The following SRRM4 variants were observed in gnomAD, a reference collection of about 807,000 sequenced individuals.
SRRM4 encodes the protein serine/arginine repetitive matrix protein 4.
Under a neutral mutation model 68.9 loss-of-function variants are expected in SRRM4, and 33 were observed. That is an observed-to-expected ratio of 0.48 (90% CI 0.36 to 0.64). The LOEUF (loss-of-function observed/expected upper bound fraction) is 0.64, where lower values mean the gene tolerates loss of function less well. Among genes scored for constraint, SRRM4 ranks in the 30% least tolerant of loss-of-function variants. The pLI, the probability that SRRM4 is intolerant of heterozygous loss-of-function variation, is 0.00. For missense variants in SRRM4, 817 were observed against 827.1 expected, an observed-to-expected ratio of 0.99 and a Z score of 0.15; for synonymous variants, 318 against 318.8, an observed-to-expected ratio of 1.00 and a Z score of 0.03.
intron 1 of SRRM4, among the ~76,000 whole-genome samples, chr12:119,007,165 C>T (rs748465395): frequency 1.2e-4 from 18 of 152,318 alleles, no homozygotes; most frequent in Non-Finnish European, 2.2e-4. Flanking sequence ...TCTGAAGACA[C>T]GAACCATCCA....
intron 1 of SRRM4, among the ~76,000 whole-genome samples, chr12:118,999,430 T>A (rs1303311122): frequency 6.6e-6 from 1 of 152,176 alleles, no homozygotes; most frequent in African/African-American, 2.4e-5. Context: ...TCTTATTCTG[T>A]GCATCTTTTC....
chr12:119,004,199 T>C (rs1013702343), intron 1 of SRRM4, among the ~76,000 whole-genome samples: 1 of 152,064 alleles, frequency 6.6e-6, no homozygotes, highest in African/African-American at 2.4e-5. Context: ...CACCTGGTTA[T>C]GCCCCTGGTT....
intron 1 of SRRM4, among the ~76,000 whole-genome samples, chr12:119,004,777 G>A (rs1252750287): frequency 1.3e-5 from 2 of 151,930 alleles, no homozygotes; most frequent in African/African-American, 4.8e-5. Flanking sequence ...ACTTCCTGCC[G>A]AAGACGTAGG....
intron 1 of SRRM4, among the ~76,000 whole-genome samples, chr12:119,049,624 A>G (rs1953728802): frequency 6.6e-6 from 1 of 152,212 alleles, no homozygotes; most frequent in Admixed American, 6.5e-5. Context: ...ACGGAGTCTG[A>G]TCAGTAGTGT....
chr12:119,102,062 T>G (rs1183630801), intron 1 of SRRM4, among the ~76,000 whole-genome samples, 174 bp from the exon 2 acceptor site: 2 of 152,212 alleles, frequency 1.3e-5, no homozygotes, highest in Non-Finnish European at 2.9e-5. Context: ...TGCCTTGAAC[T>G]GGAAATTACA....
chr12:119,009,023 T>A (rs1442262178), intron 1 of SRRM4, among the ~76,000 whole-genome samples: 1 of 151,402 alleles, frequency 6.6e-6, no homozygotes, highest in African/African-American at 2.4e-5. Flanking sequence ...AGGGGTGGGG[T>A]AAGACCGGTC....
chr12:119,015,202 C>T (rs1336461972), intron 1 of SRRM4, among the ~76,000 whole-genome samples: 1 of 152,116 alleles, frequency 6.6e-6, no homozygotes, highest in Non-Finnish European at 1.5e-5. Context: ...CCTCTGCCTC[C>T]CCAGCATGTA....
chr12:119,036,333 A>T (rs1953627059), intron 1 of SRRM4, among the ~76,000 whole-genome samples: 1 of 152,154 alleles, frequency 6.6e-6, no homozygotes, highest in Non-Finnish European at 1.5e-5. Context: ...TCTGGCTTCC[A>T]GGCAGGTGTT....
chr12:118,991,161 T>C (rs1003242508), intron 1 of SRRM4, among the ~76,000 whole-genome samples: 10 of 152,196 alleles, frequency 6.6e-5, no homozygotes, highest in South Asian at 2.1e-4. Flanking sequence ...AGCCTCTTCA[T>C]GGTCCACTTC....
chr12:118,995,976 A>T (rs886100396), intron 1 of SRRM4, among the ~76,000 whole-genome samples: 7 of 152,092 alleles, frequency 4.6e-5, no homozygotes, highest in African/African-American at 1.7e-4. Context: ...TCCATTCTAC[A>T]ACTATTTTCT....
intron 1 of SRRM4, among the ~76,000 whole-genome samples, chr12:118,995,307 G>A (rs996524967): frequency 2.6e-5 from 4 of 152,202 alleles, no homozygotes; most frequent in Non-Finnish European, 5.9e-5. Flanking sequence ...GTCAGAGCCA[G>A]AATTTGAATC....
chr12:119,048,450 G>A (rs1235428942), intron 1 of SRRM4, among the ~76,000 whole-genome samples: 1 of 152,148 alleles, frequency 6.6e-6, no homozygotes, highest in Non-Finnish European at 1.5e-5. Context: ...TGAGCTCTGG[G>A]AGATATTCTC....
chr12:119,145,965 C>T (rs1411964541), intron 9 of SRRM4, among the ~76,000 whole-genome samples: 1 of 152,168 alleles, frequency 6.6e-6, no homozygotes, highest in East Asian at 1.9e-4. Flanking sequence ...AGCAGATCCT[C>T]CCAAAGCATT....
At chr12:119,029,833 T>C (rs544611083) in intron 1 of SRRM4, among the ~76,000 whole-genome samples, 10 of 152,266 alleles carry the variant, frequency 6.6e-5, no homozygotes, top group African/African-American at 2.2e-4. Context: ...AATGCAGACA[T>C]GGCAGGGTCA....
intron 12 of SRRM4, among the ~76,000 whole-genome samples, chr12:119,156,071 TA>T: frequency 6.6e-6 from 1 of 152,338 alleles, no homozygotes; most frequent in South Asian, 2.1e-4. Context: ...TTTCTTTAAA[TA>T]GATATGACTC....
chr12:119,048,584 G>A (rs771231721), intron 1 of SRRM4, among the ~76,000 whole-genome samples: 12 of 152,086 alleles, frequency 7.9e-5, no homozygotes, highest in South Asian at 2.1e-4. Flanking sequence ...ACACCTGGAC[G>A]TTTGAATTCT....
At chr12:119,027,190 A>G (rs554873288) in intron 1 of SRRM4, among the ~76,000 whole-genome samples, 16 of 152,294 alleles carry the variant, frequency 1.1e-4, no homozygotes, top group African/African-American at 3.1e-4. Context: ...AGCACCAACT[A>G]AACCAACACT....
At chr12:119,061,905 G>C (rs929050073) in intron 1 of SRRM4, among the ~76,000 whole-genome samples, 4 of 152,026 alleles carry the variant, frequency 2.6e-5, no homozygotes, top group African/African-American at 9.7e-5. Flanking sequence ...TCCCCAGAGG[G>C]AAAAAATATC....
At chr12:119,047,136 A>G (rs567701264) in intron 1 of SRRM4, among the ~76,000 whole-genome samples, 1 of 152,158 alleles carries the variant, frequency 6.6e-6, no homozygotes, top group Admixed American at 6.5e-5. Flanking sequence ...AATCTCTGAA[A>G]CTATGCCCAG....
Sources: allele counts gnomAD v4.1 joint callset (sites outside exome capture counted in the v4.1 genomes callset), GRCh38; gene constraint gnomAD v4.1.1; transcripts MANE v1.5; gene names NCBI Gene and HGNC (gene_info 2026-07-23, HGNC 2026-07-21).